JAZF1: variants seen among roughly 807,000 people sequenced by gnomAD.
JAZF1 encodes the protein JAZF zinc finger 1, also known as juxtaposed with another zinc finger protein 1.
A neutral mutation model predicts 26.4 loss-of-function variants in JAZF1; 8 were observed. The observed-to-expected ratio is 0.30, with a 90% CI of 0.18 to 0.55. The LOEUF (loss-of-function observed/expected upper bound fraction) is 0.55. JAZF1 is among the 20% of genes least tolerant of loss of function. The probability of loss-of-function intolerance (pLI) is 0.94; values close to 1 mark genes in which losing one functional copy is unlikely to be tolerated. For missense variants in JAZF1, 199 were observed against 322.0 expected, an observed-to-expected ratio of 0.62 and a Z score of 2.92; for synonymous variants, 126 against 122.3, an observed-to-expected ratio of 1.03 and a Z score of -0.20.
chr7:27,878,565 T>C (rs927112635), intron 3 of JAZF1, among the ~76,000 whole-genome samples: 1 of 152,224 alleles, frequency 6.6e-6, no homozygotes, highest in Non-Finnish European at 1.5e-5. Flanking sequence ...AAATTTCTGG[T>C]TCCCAAATTC....
chr7:28,169,171 C>T (rs1019661146), intron 1 of JAZF1, among the ~76,000 whole-genome samples: 1 of 152,242 alleles, frequency 6.6e-6, no homozygotes, highest in Non-Finnish European at 1.5e-5. Flanking sequence ...ATTCTAACAT[C>T]TGAAGTGAAG....
chr7:28,126,128 A>G (rs1312282726), intron 1 of JAZF1, among the ~76,000 whole-genome samples: 1 of 152,172 alleles, frequency 6.6e-6, no homozygotes, highest in Non-Finnish European at 1.5e-5. Context: ...GGTGGGAAGG[A>G]TGTAGCCCCT....
intron 1 of JAZF1, among the ~76,000 whole-genome samples, chr7:28,134,729 C>T (rs1042969030): frequency 6.6e-6 from 1 of 151,950 alleles, no homozygotes; most frequent in African/African-American, 2.4e-5. Context: ...TTTTTTTTTA[C>T]ACCCAAATGA....
chr7:28,041,855 G>A (rs914995173), intron 1 of JAZF1, among the ~76,000 whole-genome samples: 3 of 152,166 alleles, frequency 2.0e-5, no homozygotes, highest in African/African-American at 4.8e-5. Flanking sequence ...AACTGGCAGG[G>A]AGTCATTTCC....
chr7:28,177,616 A>C (rs1322076427), intron 1 of JAZF1, among the ~76,000 whole-genome samples: 1 of 152,238 alleles, frequency 6.6e-6, no homozygotes, highest in African/African-American at 2.4e-5. Flanking sequence ...CGGTTGCTAA[A>C]TAACAAGACT....
chr7:27,981,820 C>G (rs1426771191), intron 2 of JAZF1, among the ~76,000 whole-genome samples: 2 of 152,220 alleles, frequency 1.3e-5, no homozygotes, highest in African/African-American at 4.8e-5. Flanking sequence ...CATGCCCTGA[C>G]TCTAGAATTC....
At chr7:28,165,336 C>A (rs1783351700) in intron 1 of JAZF1, among the ~76,000 whole-genome samples, 1 of 151,972 alleles carries the variant, frequency 6.6e-6, no homozygotes, top group Non-Finnish European at 1.5e-5. Flanking sequence ...AATTAAAAAA[C>A]AAGCAAACTA....
chr7:28,006,550 G>A (rs547544457), intron 1 of JAZF1, among the ~76,000 whole-genome samples: 27 of 152,242 alleles, frequency 1.8e-4, no homozygotes, highest in South Asian at 2.1e-4. Context: ...CTATCACTGC[G>A]TGTCTACTAT....
intron 1 of JAZF1, among the ~76,000 whole-genome samples, chr7:28,158,798 T>C (rs942468502): frequency 6.6e-6 from 1 of 152,170 alleles, no homozygotes; most frequent in African/African-American, 2.4e-5. Flanking sequence ...TTGATTGCCA[T>C]TGAGAATTCA....
chr7:27,972,733 C>T (rs540997632), intron 2 of JAZF1, among the ~76,000 whole-genome samples: 94 of 152,006 alleles, frequency 6.2e-4, no homozygotes, highest in African/African-American at 2.0e-3. Flanking sequence ...ATTATATATC[C>T]GTATCATAGT....
intron 1 of JAZF1, among the ~76,000 whole-genome samples, chr7:27,994,646 G>A (rs547245282): frequency 4.9e-4 from 74 of 152,274 alleles, no homozygotes; most frequent in African/African-American, 1.8e-3. Context: ...CCATTAAAGT[G>A]CTGAAATCTT....
chr7:28,044,944 A>G (rs925586751), intron 1 of JAZF1, among the ~76,000 whole-genome samples: 1 of 152,190 alleles, frequency 6.6e-6, no homozygotes. Flanking sequence ...GCCAGCAACC[A>G]GAAAAGCAAA....
chr7:27,846,679 T>C (rs1349795066), intron 3 of JAZF1: 3 of 337,074 alleles, frequency 8.9e-6, no homozygotes. Flanking sequence ...TAGCTCATGG[T>C]GGTTTTGATT....
chr7:28,077,233 G>A (rs1231107564), intron 1 of JAZF1, among the ~76,000 whole-genome samples: 1 of 152,088 alleles, frequency 6.6e-6, no homozygotes, highest in Non-Finnish European at 1.5e-5. Context: ...AAAAGAGGAG[G>A]ACAATTAATC....
At chr7:28,113,596 A>T (rs1018340635) in intron 1 of JAZF1, among the ~76,000 whole-genome samples, 2 of 152,208 alleles carry the variant, frequency 1.3e-5, no homozygotes, top group African/African-American at 4.8e-5. Flanking sequence ...GCACAGTGCT[A>T]GGCCCCTGCA....
intron 3 of JAZF1, among the ~76,000 whole-genome samples, chr7:27,860,434 C>T (rs1192350401): frequency 1.3e-5 from 2 of 152,196 alleles, no homozygotes; most frequent in East Asian, 1.9e-4. Context: ...ACATCTTTAT[C>T]TTCCTTGGAG....
intron 1 of JAZF1, among the ~76,000 whole-genome samples, chr7:28,022,369 C>T (rs909623221): frequency 6.6e-6 from 1 of 152,198 alleles, no homozygotes; most frequent in Non-Finnish European, 1.5e-5. Context: ...GTTGGCACCA[C>T]CTTTTCCTGA....
At chr7:27,970,736 A>C (rs1004418033) in intron 2 of JAZF1, among the ~76,000 whole-genome samples, 3 of 152,252 alleles carry the variant, frequency 2.0e-5, no homozygotes, top group East Asian at 1.9e-4. Context: ...AGCACACATT[A>C]GTGTATCACA....
rs956800084 is a variant in JAZF1, at chr7:28,002,324, C to T, written c.116-10343G>A. Among the ~76,000 whole-genome samples, 9 of 152,002 alleles carry T rather than the reference C, an allele frequency of 5.9e-5. No individual in the cohort carries two copies. In the East Asian group the frequency reaches 1.5e-3, roughly 26 times the overall value. On this transcript the variant is annotated intron_variant, in intron 1 of 4. Transcript: ENST00000283928. ...TTTCCCAAAAGATGACTATGAAAGA[C>T]GGGGGGGAAAAAAGAATAGAATAAA... is the stretch of plus-strand genomic sequence containing the variant.
Sources: gnomAD v4.1 joint callset for allele counts (sites outside exome capture counted in the v4.1 genomes callset) on GRCh38, gnomAD v4.1.1 for gene constraint, MANE v1.5 for transcripts, NCBI Gene and HGNC (gene_info 2026-07-23, HGNC 2026-07-21) for gene names.